The following MACF1 variants were observed in gnomAD, a reference collection of about 807,000 sequenced individuals.
MACF1 encodes microtubule-actin cross-linking factor 1.
Under a neutral mutation model 854.8 loss-of-function variants are expected in MACF1, and 193 were observed. That is an observed-to-expected ratio of 0.23 (90% CI 0.20 to 0.25). The LOEUF (loss-of-function observed/expected upper bound fraction) is 0.25, where lower values mean the gene tolerates loss of function less well. MACF1 is among the 10% of genes least tolerant of loss of function. MACF1 has a pLI of 1.00. For missense variants in MACF1, 7,722 were observed against 8,929.1 expected (o/e 0.86, Z 5.45); for synonymous variants, 3,185 against 3,226.7 (o/e 0.99, Z 0.44).
chr1:39,229,575 T>C (rs945573487), intron 1 of MACF1, among the ~76,000 whole-genome samples: 5 of 152,120 alleles, frequency 3.3e-5, no homozygotes, highest in Non-Finnish European at 5.9e-5. Context: ...GGAAAAGATA[T>C]GGAAGAGTCA....
At chr1:39,299,741 A>G (rs938256093) in intron 21 of MACF1, among the ~76,000 whole-genome samples, 7 of 152,214 alleles carry the variant, frequency 4.6e-5, no homozygotes, top group African/African-American at 1.7e-4. Flanking sequence ...GGGAGATATA[A>G]TTATTTTTAA....
chr1:39,482,055 A>G (rs149918029), intron 99 of MACF1, among the ~76,000 whole-genome samples: 1 of 152,308 alleles, frequency 6.6e-6, no homozygotes, highest in East Asian at 1.9e-4. Context: ...TTTAAATTTT[A>G]GATGTTTAAT....
At chr1:39,236,443 G>GT (rs1644860198) in intron 2 of MACF1, among the ~76,000 whole-genome samples, 1 of 152,176 alleles carries the variant, frequency 6.6e-6, no homozygotes, top group African/African-American at 2.4e-5. Context: ...CACCTCTTCA[G>GT]TAAGTATTTT....
At chr1:39,108,279 GTCAT>G (rs1305689761) in intron 2 of MACF1, among the ~76,000 whole-genome samples, 1 of 152,094 alleles carries the variant, frequency 6.6e-6, no homozygotes, top group Non-Finnish European at 1.5e-5. Flanking sequence ...TTCTCTGACA[GTCAT>G]TAAAGTCTCT....
At chr1:39,275,329 G>T (rs1006784547) in intron 6 of MACF1, among the ~76,000 whole-genome samples, 1 of 151,992 alleles carries the variant, frequency 6.6e-6, no homozygotes, top group Non-Finnish European at 1.5e-5. Flanking sequence ...TGACCCGCCC[G>T]CCTCTGCCTC....
chr1:39,107,756 G>A (rs1302031579), intron 2 of MACF1, among the ~76,000 whole-genome samples: 2 of 152,192 alleles, frequency 1.3e-5, no homozygotes, highest in African/African-American at 4.8e-5. Flanking sequence ...AAAGAGATGG[G>A]AAAATAGATA....
chr1:39,205,197 T>C, intron 1 of MACF1, 66 bp downstream of exon 1: 1 of 698,884 alleles, frequency 1.4e-6, no homozygotes, highest in South Asian at 1.5e-5. Context: ...GGGTGAATGA[T>C]GGAGGTCTTC....
At chr1:39,210,441 C>T (rs1385969475) in intron 1 of MACF1, among the ~76,000 whole-genome samples, 2 of 151,144 alleles carry the variant, frequency 1.3e-5, no homozygotes, top group Non-Finnish European at 2.9e-5. Flanking sequence ...TTTCAAGCCT[C>T]CTCCCACCTT....
chr1:39,393,196 A>AAAAAAAAAAAAATATATAT (rs57576149), intron 58 of MACF1, among the ~76,000 whole-genome samples: 1 of 66,566 alleles, frequency 1.5e-5, no homozygotes, highest in Non-Finnish European at 2.6e-5. Flanking sequence ...AAAAAAAAAA[A>AAAAAAAAAAAAATATATAT]ATATATATAT....
chr1:39,285,724 G>A lies in MACF1; in HGVS notation c.1474G>A (p.Glu492Lys), dbSNP rs1454560235. ...GGTGGATCTCCAGATCCTGCGGGATGAGAATTACTACCAGCTAGAAGAGCT... is the reference window on the plus strand; with the variant it reads ...GGTGGATCTCCAGATCCTGCGGGATAAGAATTACTACCAGCTAGAAGAGCT... ...LQVDLQILRD[E>K]NYYQLEELAF... The change falls in exon 14 of 101, where the codon GAG becomes AAG. Residue 492 changes from glutamate to lysine, a missense_variant. Coordinates refer to ENST00000564288, the MANE Select transcript of MACF1 (RefSeq NM_001394062.1). 6.2e-7 allele frequency: 1 copy of A among 1,614,040 alleles called. No homozygotes were observed. The highest frequency in any genetic ancestry group is 1.3e-5 in the African/African-American group (1 of 74,910).
intron 58 of MACF1, among the ~76,000 whole-genome samples, chr1:39,404,149 G>GTAAGTAAGTAAGTAAA (rs565389591): frequency 6.7e-5 from 10 of 148,540 alleles, no homozygotes; most frequent in African/African-American, 2.5e-4. Flanking sequence ...AAATAAGTAA[G>GTAAGTAAGTAAGTAAA]TAAATAAATA....
At chr1:39,398,819 T>G (rs181714040) in intron 58 of MACF1, among the ~76,000 whole-genome samples, 55 of 152,338 alleles carry the variant, frequency 3.6e-4, no homozygotes, top group Non-Finnish European at 3.5e-4. Flanking sequence ...ACAAGGCTCC[T>G]GCTGTGGAAA....
In MACF1 at chr1:39,084,399, G is replaced by T; in HGVS notation, c.181G>T (p.Val61Leu). ...GAAAAAGCGGAAAAGCCAGGATTCG[G>T]TGCTGGACCCTGCAGAGCGTGCTGT... The change falls in exon 2 of 94, where the codon GTG (valine) becomes TTG (leucine). Residue 61 changes from valine to leucine, a missense_variant. Transcript: ENST00000361689. This position sits in a 1 kb window ranked among gnomAD's most constrained non-coding sequence, Gnocchi z 5.2. The T allele has an allele frequency of 6.2e-7, 1 of 1,612,616 alleles. No individual in the cohort carries two copies. Among genetic ancestry groups the T allele is most frequent in the Non-Finnish European group, 8.5e-7 (1 of 1,180,002 alleles).
intron 2 of MACF1, among the ~76,000 whole-genome samples, chr1:39,113,815 C>T (rs1642474617): frequency 6.6e-6 from 1 of 152,120 alleles, no homozygotes; most frequent in Non-Finnish European, 1.5e-5. Flanking sequence ...GTGGGTGGAT[C>T]ACCTGAGGTC....
chr1:39,288,930 G>A (rs1017751917), intron 15 of MACF1, among the ~76,000 whole-genome samples: 6 of 152,032 alleles, frequency 3.9e-5, no homozygotes, highest in East Asian at 3.8e-4. Flanking sequence ...CTCTGATCCC[G>A]TAATACTCTT....
At position 39,218,512 on chromosome 1, in the gene MACF1, G is replaced by A. The variant is rs555298336; in HGVS notation, c.110-12670G>A. Among the ~76,000 whole-genome samples, 198 of 151,998 alleles carry A rather than the reference G, an allele frequency of 1.3e-3. 1 individual carries two copies. The highest frequency in any genetic ancestry group is 2.1e-3 in the Non-Finnish European group (143 of 67,988). On this transcript the variant is annotated intron_variant, in intron 1 of 100. Transcript: ENST00000564288. ...TCTTCATCTTTAAGATGATTTTTGAGGACTCTTAAAACTCTCTCTTTGTAT... is the reference window on the plus strand; with the variant it reads ...TCTTCATCTTTAAGATGATTTTTGAAGACTCTTAAAACTCTCTCTTTGTAT...
At chr1:39,436,360 C>T (rs1019737619) in intron 70 of MACF1, 2 of 986,638 alleles carry the variant, frequency 2.0e-6, no homozygotes, top group Non-Finnish European at 3.2e-6. Context: ...TTTCTCCCCC[C>T]ACCTTCCGTC....
chr1:39,453,270 A>G (rs1481543548), intron 87 of MACF1, among the ~76,000 whole-genome samples: 1 of 152,180 alleles, frequency 6.6e-6, no homozygotes, highest in Non-Finnish European at 1.5e-5. Flanking sequence ...TTATCCACTC[A>G]GAGATTTTAA....
intron 2 of MACF1, among the ~76,000 whole-genome samples, chr1:39,096,808 G>A (rs1172281131): frequency 6.6e-6 from 1 of 151,004 alleles, no homozygotes; most frequent in African/African-American, 2.4e-5. Context: ...ATCTGCTTCA[G>A]AGTCCATGTC....
Sources: allele counts gnomAD v4.1 joint callset (sites outside exome capture counted in the v4.1 genomes callset), GRCh38; gene constraint gnomAD v4.1.1; non-coding constraint Gnocchi (gnomAD v3.1); transcripts MANE v1.5; gene names NCBI Gene and HGNC (gene_info 2026-07-23, HGNC 2026-07-21).